The following AGBL1 variants were observed in gnomAD, a reference collection of about 807,000 sequenced individuals.
AGBL1 encodes cytosolic carboxypeptidase 4.
Under a neutral mutation model 118.9 loss-of-function variants are expected in AGBL1, and 130 were observed. The observed-to-expected ratio is 1.09, with a 90% CI of 0.95 to 1.26. The LOEUF is 1.26. Among genes scored for constraint, AGBL1 ranks in the 50% most tolerant of loss-of-function variants. The pLI is 0.00. For missense variants in AGBL1, 1,584 were observed against 1,298.1 expected (o/e 1.22, Z -3.38); for synonymous variants, 555 against 478.9 (o/e 1.16, Z -2.08).
rs1406736471 is a variant in AGBL1, at chr15:86,915,027, G to T, written c.*7733G>T. The T allele has an allele frequency of 6.6e-6, 1 of 152,098 alleles. No homozygotes were observed. The highest frequency in any genetic ancestry group is 2.4e-5 in the African/African-American group (1 of 41,400). The allele number at this position is 152,098 out of a possible 1,614,324, so 9.4% of individuals were successfully genotyped here. A position where few individuals can be genotyped will look rare whatever the true frequency, so the allele number is the denominator to read the frequency against. On this transcript the variant is annotated 3_prime_UTR_variant, in exon 23 of 23. Transcript: ENST00000614907. ...TAAACCGGCGTTGTTTGATTTATTTGTGTGCCAGATGCAGAGCTCACTGTC... is the reference window on the plus strand; with the variant it reads ...TAAACCGGCGTTGTTTGATTTATTTTTGTGCCAGATGCAGAGCTCACTGTC...
chr15:86,708,306 T>C (rs561675980), intron 22 of AGBL1, among the ~76,000 whole-genome samples: 83 of 152,178 alleles, frequency 5.5e-4, no homozygotes, highest in African/African-American at 1.9e-3. Flanking sequence ...GTTAGTGTCC[T>C]TGTAAGAAAA....
At chr15:87,014,874 C>T (rs142908307) in intron 24 of AGBL1, among the ~76,000 whole-genome samples, 2 of 152,028 alleles carry the variant, frequency 1.3e-5, no homozygotes, top group African/African-American at 4.8e-5. Context: ...TGTTAGGTGT[C>T]GACTTCACTG....
At chr15:86,792,379 G>T (rs2078506948) in intron 22 of AGBL1, among the ~76,000 whole-genome samples, 1 of 152,008 alleles carries the variant, frequency 6.6e-6, no homozygotes, top group South Asian at 2.1e-4. Flanking sequence ...CCTGTTCATT[G>T]TCTAGTATTT....
intron 22 of AGBL1, among the ~76,000 whole-genome samples, chr15:86,814,454 T>C (rs1366877205): frequency 6.6e-6 from 1 of 152,154 alleles, no homozygotes; most frequent in Non-Finnish European, 1.5e-5. Context: ...CTACATAGGA[T>C]GGTCACAATG....
chr15:86,488,575 C>T (rs939900607), intron 18 of AGBL1, among the ~76,000 whole-genome samples: 1 of 152,010 alleles, frequency 6.6e-6, no homozygotes, highest in Non-Finnish European at 1.5e-5. Context: ...CCACCTGCAC[C>T]ACCATACACA....
At chr15:86,938,238 C>T (rs1455776444) in intron 23 of AGBL1, among the ~76,000 whole-genome samples, 4 of 152,146 alleles carry the variant, frequency 2.6e-5, no homozygotes, top group Non-Finnish European at 5.9e-5. Context: ...AAAATATTTG[C>T]TTTCCTGATT....
In AGBL1 at chr15:86,157,706, C is replaced by A. The variant is rs149292214; in HGVS notation, c.395-1227C>A. The stretch of plus-strand genomic sequence containing the variant: ...TATCTTTTCCGTCAATTGTTAGCCA[C>A]TGTTGAATGTTCCAGCAAAGCTTTC... On this transcript the variant is annotated intron_variant, in intron 4 of 22. Coordinates refer to ENST00000614907, the MANE Select transcript of AGBL1 (RefSeq NM_001386094.1). Among the ~76,000 whole-genome samples the A allele has an allele frequency of 3.6e-3, 549 of 152,288 alleles. 3 individuals are homozygous for A. The highest frequency in any genetic ancestry group is 0.013 in the African/African-American group (530 of 41,544).
intron 22 of AGBL1, among the ~76,000 whole-genome samples, chr15:86,674,685 A>T (rs1028714934): frequency 5.3e-5 from 8 of 152,188 alleles, no homozygotes; most frequent in Admixed American, 5.2e-4. Flanking sequence ...CATTTATGAT[A>T]AGATGTGGCT....
chr15:86,351,343 G>T (rs191343796), intron 17 of AGBL1, among the ~76,000 whole-genome samples: 5,390 of 152,134 alleles, frequency 0.035, 136 homozygotes, highest in East Asian at 0.049. Flanking sequence ...ATTACCTCTT[G>T]AATGTCCCCC....
chr15:86,302,024 A>G (rs1053561757), intron 17 of AGBL1, among the ~76,000 whole-genome samples: 2 of 152,128 alleles, frequency 1.3e-5, no homozygotes, highest in African/African-American at 4.8e-5. Context: ...GCATATCAAC[A>G]GTGACTCACC....
intron 18 of AGBL1, among the ~76,000 whole-genome samples, chr15:86,415,015 C>T (rs79988616): frequency 0.039 from 5,986 of 152,128 alleles, 174 homozygotes; most frequent in East Asian, 0.073. Flanking sequence ...CCTATGAGAG[C>T]GTAAGGGAAG....
intron 17 of AGBL1, among the ~76,000 whole-genome samples, chr15:86,338,793 G>A (rs551764400): frequency 1.3e-5 from 2 of 152,240 alleles, no homozygotes; most frequent in South Asian, 4.1e-4. Context: ...TAAAGCTAGA[G>A]CTTCCTGGAC....
At chr15:86,674,181 C>T (rs1596357769) in intron 21 of AGBL1, 92 bp from the exon 22 acceptor site, 1 of 1,195,292 alleles carries the variant, frequency 8.4e-7, no homozygotes, top group Non-Finnish European at 1.2e-6. Context: ...TGAAAAATGC[C>T]TGTGTGTAGA....
At chr15:86,768,697 A>G (rs2078130545) in intron 22 of AGBL1, among the ~76,000 whole-genome samples, 2 of 151,892 alleles carry the variant, frequency 1.3e-5, no homozygotes, top group South Asian at 4.1e-4. Flanking sequence ...GATTTTCTTT[A>G]TGGGAGTTAT....
At chr15:86,785,828 CAGAG>C (rs1253741360) in intron 22 of AGBL1, among the ~76,000 whole-genome samples, 6 of 152,248 alleles carry the variant, frequency 3.9e-5, no homozygotes, top group African/African-American at 1.4e-4. Flanking sequence ...ACTGAGTAGT[CAGAG>C]AGCTCTTTCT....
At chr15:86,246,227 T>G (rs1372018652) in intron 6 of AGBL1, among the ~76,000 whole-genome samples, 1 of 151,990 alleles carries the variant, frequency 6.6e-6, no homozygotes. Flanking sequence ...CTTTCAAGAG[T>G]GGCTGTAAGC....
chr15:86,990,197 A>G (rs915618434), intron 24 of AGBL1, among the ~76,000 whole-genome samples: 8 of 152,134 alleles, frequency 5.3e-5, no homozygotes, highest in African/African-American at 1.7e-4. Flanking sequence ...TCCAGATGAG[A>G]GAGGATAGGG....
At chr15:86,455,514 T>C (rs1027039997) in intron 18 of AGBL1, among the ~76,000 whole-genome samples, 2 of 152,204 alleles carry the variant, frequency 1.3e-5, no homozygotes, top group Middle Eastern at 3.2e-3. Flanking sequence ...CTAAATCATA[T>C]GCCTGTATTG....
At chr15:86,588,522 T>G (rs1262902717) in intron 21 of AGBL1, among the ~76,000 whole-genome samples, 2 of 152,164 alleles carry the variant, frequency 1.3e-5, no homozygotes, top group Non-Finnish European at 2.9e-5. Context: ...GGGATGTGGC[T>G]TTTCAACATT....
Sources: gnomAD v4.1 joint callset for allele counts (sites outside exome capture counted in the v4.1 genomes callset) on GRCh38, gnomAD v4.1.1 for gene constraint, MANE v1.5 for transcripts, NCBI Gene and HGNC (gene_info 2026-07-23, HGNC 2026-07-21) for gene names.